Variants in CCBE1 observed in about 807,000 individuals in gnomAD.
CCBE1 encodes the protein collagen and calcium-binding EGF domain-containing protein 1.
Under a neutral mutation model 50.0 loss-of-function variants are expected in CCBE1, and 37 were observed. The observed-to-expected ratio is 0.74, with a 90% CI of 0.57 to 0.97. CCBE1 has a LOEUF of 0.97. Among genes scored for constraint, CCBE1 ranks in the 50% least tolerant of loss-of-function variants. CCBE1 has a pLI of 0.00. For synonymous variants in CCBE1, 234 were observed against 203.7 expected (o/e 1.15, Z -1.27); for missense variants, 538 against 523.8 (o/e 1.03, Z -0.26).
intron 2 of CCBE1, among the ~76,000 whole-genome samples, chr18:59,580,428 GCT>G (rs1399672596): frequency 6.6e-6 from 1 of 152,140 alleles, no homozygotes; most frequent in East Asian, 1.9e-4. Flanking sequence ...ACCAAATTAT[GCT>G]CTGACCACCT....
At chr18:59,449,284 C>T (rs866007209) in intron 6 of CCBE1, among the ~76,000 whole-genome samples, 13 of 152,206 alleles carry the variant, frequency 8.5e-5, no homozygotes, top group Admixed American at 5.9e-4. Context: ...TTGTCTTTAA[C>T]GTGCCTGACT....
At chr18:59,502,775 C>T (rs149304141) in intron 2 of CCBE1, among the ~76,000 whole-genome samples, 7 of 152,228 alleles carry the variant, frequency 4.6e-5, no homozygotes, top group South Asian at 4.2e-4. Context: ...GCTTTAAGAG[C>T]GCTGTGCTTG....
intron 2 of CCBE1, among the ~76,000 whole-genome samples, chr18:59,583,680 T>TGTGTGC (rs1229840840): frequency 1.9e-4 from 11 of 59,414 alleles, no homozygotes; most frequent in Middle Eastern, 8.5e-3. Context: ...TGTGTGTGTG[T>TGTGTGC]GCGCGCGCGC....
chr18:59,578,495 C>G (rs1008436649), intron 2 of CCBE1, among the ~76,000 whole-genome samples: 3 of 152,168 alleles, frequency 2.0e-5, no homozygotes, highest in Admixed American at 2.0e-4. Context: ...GGCACATACA[C>G]ACGTACGTTT....
At chr18:59,598,982 CAG>C (rs2053393355) in intron 2 of CCBE1, among the ~76,000 whole-genome samples, 1 of 152,176 alleles carries the variant, frequency 6.6e-6, no homozygotes, top group Non-Finnish European at 1.5e-5. Context: ...GTGATGCTGG[CAG>C]AGTCCCTAAA....
At chr18:59,457,420 T>A (rs774103450) in intron 5 of CCBE1, among the ~76,000 whole-genome samples, 17 of 152,184 alleles carry the variant, frequency 1.1e-4, no homozygotes, top group Admixed American at 1.0e-3. Flanking sequence ...TTGGGCAGGT[T>A]ACTTGGCCTC....
chr18:59,454,981 T>C (rs181468865), intron 5 of CCBE1, 30 bp from the exon 6 acceptor site: 38 of 1,581,528 alleles, frequency 2.4e-5, no homozygotes, highest in Admixed American at 1.5e-4. Context: ...CAGTCCTGTC[T>C]GGGAGGCTGG....
intron 2 of CCBE1, among the ~76,000 whole-genome samples, chr18:59,675,241 G>GT (rs1661065580): frequency 6.6e-6 from 1 of 152,210 alleles, no homozygotes; most frequent in Admixed American, 6.5e-5. Flanking sequence ...CTCTAGTAAT[G>GT]TGCATTATGC....
chr18:59,497,587 G>T (rs1230155777), intron 2 of CCBE1, among the ~76,000 whole-genome samples: 1 of 152,154 alleles, frequency 6.6e-6, no homozygotes. Context: ...AGCATGCAGA[G>T]GCGCTGGTTA....
At chr18:59,455,947 G>A (rs1299313367) in intron 5 of CCBE1, among the ~76,000 whole-genome samples, 1 of 152,232 alleles carries the variant, frequency 6.6e-6, no homozygotes, top group Non-Finnish European at 1.5e-5. Flanking sequence ...GACTGGGGAA[G>A]TCGGGTAATG....
At chr18:59,471,501 A>G (rs1038407773) in intron 3 of CCBE1, among the ~76,000 whole-genome samples, 3 of 152,198 alleles carry the variant, frequency 2.0e-5, no homozygotes, top group Non-Finnish European at 4.4e-5. Flanking sequence ...CATAAAAGCT[A>G]TTCTTTGCTG....
intron 2 of CCBE1, among the ~76,000 whole-genome samples, chr18:59,513,244 A>G (rs9748813): frequency 0.29 from 44,511 of 151,988 alleles, 6,760 homozygotes; most frequent in Middle Eastern, 0.36. Context: ...GGAAGCAGAG[A>G]TTGTAGTGAG....
chr18:59,551,028 AAGAAAAGAAAAG>A (rs1915907068), intron 2 of CCBE1, among the ~76,000 whole-genome samples: 1 of 123,188 alleles, frequency 8.1e-6, no homozygotes, highest in African/African-American at 3.3e-5. Context: ...AAAAAAAAAA[AAGAAAAGAAAAG>A]AAAAGAAAAA....
intron 2 of CCBE1, among the ~76,000 whole-genome samples, chr18:59,529,223 C>T (rs983570202): frequency 3.3e-5 from 5 of 151,954 alleles, no homozygotes; most frequent in Non-Finnish European, 5.9e-5. Flanking sequence ...GGTCAGGGTC[C>T]AGCCCAAAGA....
rs145973102 is a variant in CCBE1 at position 59,482,211 on chromosome 18, C to T, written c.213-1973G>A. Among the ~76,000 whole-genome samples the T allele has an allele frequency of 1.2e-4, 18 of 152,348 alleles. No individual in the cohort carries two copies. The East Asian group carries it at 1.9e-3, about 16-fold the overall frequency. ...CTTTCATCCATGTCCCTGCAAAGGACGTGAACTCATTCTTTTTTATGGCTG... is the reference window on the plus strand; with the variant it reads ...CTTTCATCCATGTCCCTGCAAAGGATGTGAACTCATTCTTTTTTATGGCTG... On this transcript the variant is annotated intron_variant, in intron 2 of 10. Coordinates refer to ENST00000439986, the MANE Select transcript of CCBE1 (RefSeq NM_133459.4).
Position 59,436,029 on chromosome 18 carries a change from T to C in CCBE1, c.1100A>G (p.Glu367Gly), listed in dbSNP as rs745496568. 6.8e-6 allele frequency: 11 copies of C among 1,614,066 alleles called. No individual in the cohort carries two copies. Among genetic ancestry groups the C allele is most frequent in the Non-Finnish European group, 9.3e-6 (11 of 1,180,050 alleles). Reference sequence around the variant, plus strand: ...GGGAAATTCCTGAGGTAAAGGGAACTCCTCTGCTGAAGAGTGAGTCCGGTG... The same window carrying C: ...GGGAAATTCCTGAGGTAAAGGGAACCCCTCTGCTGAAGAGTGAGTCCGGTG... Reference protein sequence around the residue: ...FGHRTHSSAEEFPLPQEFPSY... With the variant: ...FGHRTHSSAEGFPLPQEFPSY... Residue 367 changes from glutamate (E) to glycine (G), a missense_variant, in exon 11 of 11, where the codon GAG becomes GGG. By Grantham distance (98) the Glu-to-Gly change is moderately conservative. Transcript: ENST00000439986.
intron 2 of CCBE1, among the ~76,000 whole-genome samples, chr18:59,615,773 A>T (rs980933663): frequency 1.3e-5 from 2 of 152,160 alleles, no homozygotes; most frequent in African/African-American, 4.8e-5. Flanking sequence ...AAGATTTACA[A>T]GGGACCTTTG....
intron 2 of CCBE1, among the ~76,000 whole-genome samples, chr18:59,610,128 G>A (rs992342537): frequency 1.3e-5 from 2 of 152,314 alleles, no homozygotes; most frequent in African/African-American, 4.8e-5. Flanking sequence ...TAAAAGTAGA[G>A]GAAAGTACAT....
intron 2 of CCBE1, among the ~76,000 whole-genome samples, chr18:59,618,436 GTTT>G (rs1458037196): frequency 7.1e-6 from 1 of 141,624 alleles, no homozygotes; most frequent in African/African-American, 2.6e-5. Flanking sequence ...CCTTAGAAAA[GTTT>G]TTTTTTTTTT....
Sources: allele counts gnomAD v4.1 joint callset (sites outside exome capture counted in the v4.1 genomes callset), GRCh38; gene constraint gnomAD v4.1.1; transcripts MANE v1.5; gene names NCBI Gene and HGNC (gene_info 2026-07-23, HGNC 2026-07-21).